Variants in DOCK8 observed in about 807,000 individuals in gnomAD.
The protein encoded by DOCK8 is dedicator of cytokinesis 8, also known as dedicator of cytokinesis protein 8.
In DOCK8, 141 loss-of-function variants were observed where a neutral mutation model predicts 245.6. The observed-to-expected ratio is 0.57, with a 90% confidence interval of 0.50 to 0.66. The LOEUF is 0.66. DOCK8 is among the 30% of genes least tolerant of loss of function. The pLI is 0.00. For missense variants in DOCK8, 2,965 were observed against 2,603.4 expected, an observed-to-expected ratio of 1.14 and a Z score of -3.02; for synonymous variants, 1,168 against 970.2, an observed-to-expected ratio of 1.20 and a Z score of -3.79.
At chr9:393,013 G>C (rs1380820039) in intron 24 of DOCK8, among the ~76,000 whole-genome samples, 1 of 143,158 alleles carries the variant, frequency 7.0e-6, no homozygotes, top group Admixed American at 7.2e-5. Context: ...TGGAGCCTAG[G>C]AGTTCAAGGC....
chr9:408,346 A>G (rs2055538197), intron 28 of DOCK8, among the ~76,000 whole-genome samples: 1 of 152,190 alleles, frequency 6.6e-6, no homozygotes, highest in Admixed American at 6.5e-5. Context: ...CTGGCAGGAT[A>G]GTGTGGGGAA....
intron 40 of DOCK8, among the ~76,000 whole-genome samples, chr9:439,798 G>A (rs1046087511): frequency 1.3e-5 from 2 of 152,240 alleles, no homozygotes. Context: ...ACTGGGAGGA[G>A]AGAGGAGGAA....
At chr9:443,890 A>G (rs1038261366) in intron 43 of DOCK8, among the ~76,000 whole-genome samples, 2 of 152,204 alleles carry the variant, frequency 1.3e-5, no homozygotes, top group African/African-American at 2.4e-5. Context: ...CAGCAGAGCC[A>G]GTACTCAGAC....
At chr9:247,032 C>T (rs765166766) in intron 1 of DOCK8, among the ~76,000 whole-genome samples, 3 of 152,182 alleles carry the variant, frequency 2.0e-5, no homozygotes, top group Non-Finnish European at 2.9e-5. Flanking sequence ...TTTAGAATTC[C>T]TTAATTAATA....
intron 1 of DOCK8, among the ~76,000 whole-genome samples, chr9:223,201 G>A (rs1316494514): frequency 1.3e-5 from 2 of 152,104 alleles, no homozygotes. Context: ...AATACAAATA[G>A]CTAAACTGGA....
In DOCK8 at chr9:386,382, G is replaced by C. The variant is rs745323918; in HGVS notation, c.2830G>C (p.Asp944His). The C allele has an allele frequency of 2.5e-5, 41 of 1,613,838 alleles. No homozygotes were observed. The highest frequency in any genetic ancestry group is 3.4e-5 in the Non-Finnish European group (40 of 1,179,916). ...GTCTTACTATTGCTCTGGCAGTAGT[G>C]ATGCTCCAAGTTCACCTGCAGCCCC... ...RMSYYCSGSS[D>H]APSSPAAPRP... Residue 944 changes from aspartate (D) to histidine (H), a missense_variant, in exon 23 of 48, where the codon GAT (aspartate) becomes CAT (histidine). Coordinates refer to ENST00000432829, the MANE Select transcript of DOCK8 (RefSeq NM_203447.4).
intron 46 of DOCK8, among the ~76,000 whole-genome samples, chr9:461,678 A>T (rs1248826202): frequency 1.3e-5 from 2 of 151,692 alleles, no homozygotes; most frequent in Non-Finnish European, 2.9e-5. Flanking sequence ...AATAGCTGGG[A>T]CTGCAGTCAC....
intron 33 of DOCK8, among the ~76,000 whole-genome samples, chr9:422,669 T>C (rs921420198): frequency 4.6e-5 from 7 of 152,156 alleles, no homozygotes; most frequent in African/African-American, 1.4e-4. Flanking sequence ...TGACATAATG[T>C]TAAATGAACA....
chr9:280,269 C>A (rs34859571), intron 2 of DOCK8, among the ~76,000 whole-genome samples: 19,344 of 152,166 alleles, frequency 0.13, 1,440 homozygotes, highest in Non-Finnish European at 0.18. Context: ...AGAAAGACTG[C>A]ATAAGCCTTC....
At chr9:329,132 A>T (rs1244165377) in intron 9 of DOCK8, among the ~76,000 whole-genome samples, 1 of 151,662 alleles carries the variant, frequency 6.6e-6, no homozygotes, top group African/African-American at 2.4e-5. Flanking sequence ...TTGTATTTTT[A>T]GTAGGGACAG....
intron 44 of DOCK8, among the ~76,000 whole-genome samples, chr9:447,168 C>A (rs2131847984): frequency 6.6e-6 from 1 of 152,180 alleles, no homozygotes; most frequent in African/African-American, 2.4e-5. Flanking sequence ...GCAGGAAAGA[C>A]CTCTAAGTAC....
chr9:322,976 A>G (rs537108347), intron 7 of DOCK8, among the ~76,000 whole-genome samples: 2 of 151,742 alleles, frequency 1.3e-5, no homozygotes, highest in Non-Finnish European at 2.9e-5. Context: ...GCCTGTAGTC[A>G]CAGCTGCTAG....
intron 36 of DOCK8, 23 bp from the exon 37 acceptor site, chr9:432,143 T>A: frequency 2.8e-6 from 1 of 360,426 alleles, no homozygotes; most frequent in Non-Finnish European, 3.6e-6. Context: ...ACTTCATCTT[T>A]TTTTTTTTTT....
At chr9:292,830 A>G (rs1288366111) in intron 4 of DOCK8, among the ~76,000 whole-genome samples, 1 of 152,158 alleles carries the variant, frequency 6.6e-6, no homozygotes, top group Non-Finnish European at 1.5e-5. Context: ...AATTTGATTC[A>G]CAAACTTATT....
chr9:389,851 C>T (rs1377556039), intron 23 of DOCK8, among the ~76,000 whole-genome samples: 1 of 149,766 alleles, frequency 6.7e-6, no homozygotes, highest in Non-Finnish European at 1.5e-5. Context: ...CCCATCTCTA[C>T]CAAAAAAAAA....
At chr9:368,205 C>A in intron 15 of DOCK8, 70 bp downstream of exon 15, 2 of 1,267,940 alleles carry the variant, frequency 1.6e-6, no homozygotes, top group East Asian at 2.3e-5. Context: ...CACACAAGTC[C>A]GGGACTCATC....
At chr9:335,860 TAAG>T (rs1228103297) in intron 11 of DOCK8, among the ~76,000 whole-genome samples, 3 of 152,166 alleles carry the variant, frequency 2.0e-5, no homozygotes, top group African/African-American at 4.8e-5. Context: ...GAATTAAGGA[TAAG>T]AAGATACTCA....
rs867488006 is a variant in DOCK8, at chr9:400,937, A to T, written c.3234+1678A>T. On this transcript the variant is annotated intron_variant, in intron 26 of 47. Transcript: ENST00000432829. The stretch of plus-strand genomic sequence containing the variant: ...CTCCTTCACCATCACCACAACATCC[A>T]CCACCACCATCACCACCACCACCAC... Among the ~76,000 whole-genome samples the T allele has an allele frequency of 1.7e-3, 186 of 108,532 alleles. 20 individuals carry two copies. Among genetic ancestry groups the T allele is most frequent in the Non-Finnish European group, 2.0e-3 (96 of 47,644 alleles). 71.2% of individuals were successfully genotyped at this position (108,532 alleles called of 152,430 possible).
In DOCK8 at chr9:307,329, GTTTTTTTTGTTTTTTTTT is replaced by G. The variant is rs2049883104; in HGVS notation, c.528+2634_528+2651del. Among the ~76,000 whole-genome samples the G allele has an allele frequency of 1.4e-3, 102 of 75,136 alleles. 17 individuals are homozygous for G. Among genetic ancestry groups the G allele is most frequent in the African/African-American group, 4.7e-3 (96 of 20,454 alleles). 49.3% of individuals were successfully genotyped at this position (75,136 alleles called of 152,430 possible). The stretch of plus-strand genomic sequence containing the variant: ...AACTCAAGTCACTGTGTTGTGTGTG[GTTTTTTTTGTTTTTTTTT>G]TTTTTTTTTTTTTTTTTTTTTTTTT... On this transcript the variant is annotated intron_variant, in intron 5 of 47. Transcript: ENST00000432829.
Sources: gnomAD v4.1 joint callset for allele counts (sites outside exome capture counted in the v4.1 genomes callset) on GRCh38, gnomAD v4.1.1 for gene constraint, MANE v1.5 for transcripts, NCBI Gene and HGNC (gene_info 2026-07-23, HGNC 2026-07-21) for gene names.